DPP10: variants seen among roughly 807,000 people sequenced by gnomAD.
DPP10 encodes the protein dipeptidyl peptidase like 10.
A neutral mutation model predicts 120.9 loss-of-function variants in DPP10; 33 were observed. The ratio of observed to expected loss-of-function variants is 0.27; its 90% CI spans 0.21 to 0.37. DPP10 has a LOEUF of 0.37. Among genes scored for constraint, DPP10 ranks in the 10% least tolerant of loss-of-function variants. DPP10 has a pLI of 1.00. For synonymous variants in DPP10, 337 were observed against 326.1 expected (o/e 1.03, Z -0.36); for missense variants, 816 against 942.8 (o/e 0.87, Z 1.76).
intron 3 of DPP10, among the ~76,000 whole-genome samples, chr2:115,440,071 A>C (rs929629995): frequency 2.0e-5 from 3 of 151,314 alleles, no homozygotes; most frequent in Middle Eastern, 6.9e-3. Context: ...TTTGAACAGC[A>C]TTTTTTTTTC....
rs1413290331 is a variant in DPP10, at chr2:114,550,613, A to C, written c.60+107775A>C. ...ACAGGCTGTTTCCTCACTTTGAAGC[A>C]ACCTTTGCTCCTTTCTTTGCCTGAG... On this transcript the variant is annotated intron_variant, in intron 1 of 25. Coordinates refer to ENST00000410059, the MANE Select transcript of DPP10 (RefSeq NM_020868.6). Among the ~76,000 whole-genome samples the C allele has an allele frequency of 3.3e-5, 5 of 152,224 alleles. No homozygotes were observed. The East Asian group carries it at 7.7e-4, about 23-fold the overall frequency.
At chr2:114,681,319 A>G (rs952670888) in intron 1 of DPP10, among the ~76,000 whole-genome samples, 3 of 151,918 alleles carry the variant, frequency 2.0e-5, no homozygotes, top group Non-Finnish European at 4.4e-5. Flanking sequence ...TACTACCAAG[A>G]GTCTGGAAAG....
intron 3 of DPP10, among the ~76,000 whole-genome samples, chr2:115,494,874 G>A (rs2076311957): frequency 6.6e-6 from 1 of 152,112 alleles, no homozygotes; most frequent in Non-Finnish European, 1.5e-5. Flanking sequence ...TCTATGTAGA[G>A]ATAGATTATA....
At chr2:114,570,836 T>TAAA (rs58796386) in intron 1 of DPP10, among the ~76,000 whole-genome samples, 319 of 57,814 alleles carry the variant, frequency 5.5e-3, no homozygotes, top group East Asian at 0.016. Context: ...CTGTCTCAAA[T>TAAA]AAAAAAAAAA....
At chr2:115,161,392 A>T (rs1204021539) in intron 1 of DPP10, 1 of 152,082 alleles carries the variant, frequency 6.6e-6, no homozygotes, top group African/African-American at 2.4e-5. Context: ...TCCGGGTTTT[A>T]GCGGAAGCCT....
chr2:114,513,526 A>C (rs900607884), intron 1 of DPP10, among the ~76,000 whole-genome samples: 1 of 149,772 alleles, frequency 6.7e-6, no homozygotes, highest in African/African-American at 2.4e-5. Flanking sequence ...TACCTCAAAA[A>C]AAAAAAAAAA....
At chr2:115,833,411 G>A (rs570722696) in intron 21 of DPP10, among the ~76,000 whole-genome samples, 64 of 152,148 alleles carry the variant, frequency 4.2e-4, no homozygotes, top group African/African-American at 1.5e-3. Flanking sequence ...AAATCTCTTG[G>A]CTGCAACACC....
chr2:115,271,737 C>T (rs928311164), intron 1 of DPP10, among the ~76,000 whole-genome samples: 3 of 152,066 alleles, frequency 2.0e-5, no homozygotes, highest in African/African-American at 7.2e-5. Flanking sequence ...AAAATGGCAA[C>T]AGCTTTAAAT....
At chr2:115,017,957 C>T (rs541974123) in intron 1 of DPP10, among the ~76,000 whole-genome samples, 34 of 151,514 alleles carry the variant, frequency 2.2e-4, no homozygotes, top group African/African-American at 8.2e-4. Context: ...ACATATATAA[C>T]AAACCTGCAC....
At chr2:114,634,764 C>A (rs1237621155) in intron 1 of DPP10, among the ~76,000 whole-genome samples, 1 of 151,848 alleles carries the variant, frequency 6.6e-6, no homozygotes, top group East Asian at 1.9e-4. Flanking sequence ...GTGAATGTTA[C>A]CCATTATTAT....
chr2:114,695,905 G>A (rs1360914062), intron 1 of DPP10, among the ~76,000 whole-genome samples: 1 of 151,942 alleles, frequency 6.6e-6, no homozygotes, highest in Non-Finnish European at 1.5e-5. Context: ...AAAAAATGTA[G>A]CACCCTCTTA....
intron 11 of DPP10, among the ~76,000 whole-genome samples, chr2:115,760,554 CAT>C (rs938535809): frequency 1.1e-4 from 17 of 152,218 alleles, no homozygotes; most frequent in African/African-American, 3.9e-4. Flanking sequence ...AAATTTAAAA[CAT>C]ATTATTTAAA....
intron 9 of DPP10, among the ~76,000 whole-genome samples, chr2:115,745,046 T>C (rs572368338): frequency 6.7e-6 from 1 of 150,322 alleles, no homozygotes; most frequent in African/African-American, 2.4e-5. Flanking sequence ...ATTGATGGGG[T>C]TATTCATTTA....
At chr2:114,681,099 C>T (rs1698997685) in intron 1 of DPP10, among the ~76,000 whole-genome samples, 1 of 151,924 alleles carries the variant, frequency 6.6e-6, no homozygotes, top group Non-Finnish European at 1.5e-5. Flanking sequence ...CCAGTTCTAC[C>T]CCTTTTGCAA....
At chr2:115,036,444 A>G (rs1398726813) in intron 1 of DPP10, among the ~76,000 whole-genome samples, 1 of 152,182 alleles carries the variant, frequency 6.6e-6, no homozygotes, top group Non-Finnish European at 1.5e-5. Flanking sequence ...TTCTTATGTT[A>G]TTATTTTGTT....
intron 1 of DPP10, among the ~76,000 whole-genome samples, chr2:115,136,615 G>A (rs770309406): frequency 6.6e-6 from 1 of 151,932 alleles, no homozygotes. Flanking sequence ...AAGGGGAAAT[G>A]CTTCTAACAA....
At chr2:115,651,218 G>A (rs2087742832) in intron 5 of DPP10, among the ~76,000 whole-genome samples, 1 of 151,922 alleles carries the variant, frequency 6.6e-6, no homozygotes, top group Non-Finnish European at 1.5e-5. Context: ...AATTAAAAGC[G>A]AGAGAACAAA....
At chr2:114,487,620 G>T (rs1681626040) in intron 1 of DPP10, among the ~76,000 whole-genome samples, 1 of 152,064 alleles carries the variant, frequency 6.6e-6, no homozygotes, top group African/African-American at 2.4e-5. Flanking sequence ...AAGGCCTACA[G>T]TGTCTTTAAT....
intron 1 of DPP10, among the ~76,000 whole-genome samples, chr2:114,770,569 AT>A (rs1279312042): frequency 6.6e-6 from 1 of 152,162 alleles, no homozygotes; most frequent in South Asian, 2.1e-4. Flanking sequence ...TTATTTAGTA[AT>A]CTCAGTTATA....
Sources: allele counts gnomAD v4.1 joint callset (sites outside exome capture counted in the v4.1 genomes callset), GRCh38; gene constraint gnomAD v4.1.1; transcripts MANE v1.5; gene names NCBI Gene and HGNC (gene_info 2026-07-23, HGNC 2026-07-21).